The following SLC12A8 variants were observed in gnomAD, a reference collection of about 807,000 sequenced individuals.
SLC12A8 encodes the protein cation-chloride cotransporter 9.
In SLC12A8, 69 loss-of-function variants were observed where a neutral mutation model predicts 75.6. The ratio of observed to expected loss-of-function variants is 0.91; its 90% CI spans 0.75 to 1.11. The LOEUF is 1.11. Among genes scored for constraint, SLC12A8 ranks in the 50% most tolerant of loss-of-function variants. The pLI is 0.00. For missense variants in SLC12A8, 877 were observed against 896.7 expected (o/e 0.98, Z 0.28); for synonymous variants, 365 against 372.8 (o/e 0.98, Z 0.24).
At chr3:125,199,601 C>G (rs918154591) in intron 2 of SLC12A8, among the ~76,000 whole-genome samples, 2 of 145,140 alleles carry the variant, frequency 1.4e-5, no homozygotes, top group African/African-American at 2.5e-5. Flanking sequence ...AAAAAAAAGG[C>G]CAGGTGTGGT....
At position 125,204,305 on chromosome 3, in the gene SLC12A8, C is replaced by T. The variant is rs114891528; in HGVS notation, c.51+6994G>A. On this transcript the variant is annotated intron_variant, in intron 2 of 13. Coordinates refer to ENST00000469902, the MANE Select transcript of SLC12A8 (RefSeq NM_024628.6). ...CACCCATGTTTATTGCAGCCCTATTCGCAATAGCAAAAGGAGTCAACCTAA... is the reference window on the plus strand; with the variant it reads ...CACCCATGTTTATTGCAGCCCTATTTGCAATAGCAAAAGGAGTCAACCTAA... 1.1e-3 allele frequency among the ~76,000 whole-genome samples: 161 copies of T among 152,208 alleles called. 1 individual carries two copies. The highest frequency in any genetic ancestry group is 3.7e-3 in the African/African-American group (153 of 41,512).
At chr3:125,126,606 G>A (rs1221414818) in intron 6 of SLC12A8, among the ~76,000 whole-genome samples, 5 of 152,108 alleles carry the variant, frequency 3.3e-5, no homozygotes, top group Non-Finnish European at 7.3e-5. Context: ...TTCTGTTCCT[G>A]AAAATGAAGA....
intron 5 of SLC12A8, among the ~76,000 whole-genome samples, chr3:125,154,413 G>T (rs373826977): frequency 3.3e-5 from 5 of 152,164 alleles, no homozygotes; most frequent in African/African-American, 9.7e-5. Flanking sequence ...TAACTGCTGG[G>T]CAATCTAACC....
rs930845790 is a variant in SLC12A8, at chr3:125,205,293, A to G, written c.51+6006T>C. On this transcript the variant is annotated intron_variant, in intron 2 of 13. Transcript: ENST00000469902. ...TCTCTTCTCAAGCAAGGTAAGTAAC[A>G]GAAATCTTTCAGTGGCATCGACCTC... Among the ~76,000 whole-genome samples the G allele has an allele frequency of 2.6e-5, 4 of 152,338 alleles. No homozygotes were observed. In the South Asian group the frequency reaches 6.2e-4, roughly 24 times the overall value.
chr3:125,167,841 G>C (rs1934324842), intron 5 of SLC12A8, among the ~76,000 whole-genome samples: 1 of 152,234 alleles, frequency 6.6e-6, no homozygotes, highest in African/African-American at 2.4e-5. Context: ...AACACGTTTT[G>C]CGGAGAATTG....
intron 2 of SLC12A8, among the ~76,000 whole-genome samples, chr3:125,208,789 C>CAGAGAGAGAGAGAGAG (rs1272180422): frequency 1.9e-4 from 19 of 98,522 alleles, no homozygotes; most frequent in East Asian, 7.1e-4. Flanking sequence ...CACACACACA[C>CAGAGAGAGAGAGAGAG]ACAGAGAGAG....
intron 5 of SLC12A8, among the ~76,000 whole-genome samples, chr3:125,155,230 C>T (rs1234588372): frequency 2.0e-5 from 3 of 152,070 alleles, no homozygotes; most frequent in South Asian, 4.1e-4. Context: ...CCTTGCTCAC[C>T]GCACCACCTT....
intron 3 of SLC12A8, among the ~76,000 whole-genome samples, chr3:125,188,258 T>C (rs1310199177): frequency 1.3e-5 from 2 of 152,190 alleles, no homozygotes; most frequent in Non-Finnish European, 2.9e-5. Context: ...CCTCTTCACC[T>C]TCCCCCATGA....
At chr3:125,166,119 C>T (rs976444514) in intron 5 of SLC12A8, among the ~76,000 whole-genome samples, 1 of 152,152 alleles carries the variant, frequency 6.6e-6, no homozygotes, top group Non-Finnish European at 1.5e-5. Context: ...TCCCATGCTG[C>T]GGGGCGCTTT....
At chr3:125,212,479 G>C (rs529162844) in intron 1 of SLC12A8, among the ~76,000 whole-genome samples, 2 of 152,276 alleles carry the variant, frequency 1.3e-5, no homozygotes. Flanking sequence ...GCCACGCTGG[G>C]ACCCGGGCCC....
chr3:125,088,275 A>C (rs763367528), intron 13 of SLC12A8, 35 bp downstream of exon 13: 36 of 1,608,350 alleles, frequency 2.2e-5, no homozygotes, highest in Non-Finnish European at 3.1e-5. Context: ...CTGGACACTC[A>C]TCCATTCTGG....
chr3:125,167,404 C>T (rs996561334), intron 5 of SLC12A8, among the ~76,000 whole-genome samples: 1 of 152,164 alleles, frequency 6.6e-6, no homozygotes, highest in Non-Finnish European at 1.5e-5. Flanking sequence ...TTTCAGCCTC[C>T]CAAAGTGCTG....
intron 6 of SLC12A8, 89 bp from the exon 7 acceptor site, chr3:125,120,775 C>T: frequency 2.0e-6 from 2 of 977,426 alleles, no homozygotes; most frequent in Non-Finnish European, 1.6e-6. Flanking sequence ...CTGCGGGACC[C>T]TCTCCTGGAA....
chr3:125,141,091 T>A (rs925225237), intron 5 of SLC12A8, among the ~76,000 whole-genome samples: 1 of 151,256 alleles, frequency 6.6e-6, no homozygotes, highest in Non-Finnish European at 1.5e-5. Flanking sequence ...AACATCTGTT[T>A]CTCTATCCAC....
chr3:125,113,796 C>T (rs949228911), intron 8 of SLC12A8, among the ~76,000 whole-genome samples: 1 of 152,128 alleles, frequency 6.6e-6, no homozygotes, highest in Non-Finnish European at 1.5e-5. Flanking sequence ...TCTTCAGTAA[C>T]TACTGATGAA....
At chr3:125,108,525 T>C (rs955914754) in intron 9 of SLC12A8, among the ~76,000 whole-genome samples, 1 of 152,236 alleles carries the variant, frequency 6.6e-6, no homozygotes, top group South Asian at 2.1e-4. Flanking sequence ...CACACCACCA[T>C]GCATGGCTAA....
At chr3:125,150,058 C>T (rs1933882360) in intron 5 of SLC12A8, among the ~76,000 whole-genome samples, 1 of 152,190 alleles carries the variant, frequency 6.6e-6, no homozygotes, top group African/African-American at 2.4e-5. Flanking sequence ...TAGAAAAATA[C>T]ACTTATTTAC....
In SLC12A8 at chr3:125,188,802, C is replaced by T. The variant is rs535871300; in HGVS notation, c.199-1374G>A. Among the ~76,000 whole-genome samples the T allele has an allele frequency of 2.3e-4, 35 of 152,284 alleles. 1 individual carries two copies. In the South Asian group the frequency reaches 7.1e-3, roughly 31 times the overall value. On this transcript the variant is annotated intron_variant, in intron 3 of 13. Coordinates refer to ENST00000469902, the MANE Select transcript of SLC12A8 (RefSeq NM_024628.6). ...GTTCCAGTGTTTATAATATAATGCT[C>T]AAGGGCTCCACTGCTGGTCTGAGAC...
intron 5 of SLC12A8, among the ~76,000 whole-genome samples, chr3:125,177,085 A>T (rs1934548911): frequency 6.6e-6 from 1 of 152,000 alleles, no homozygotes; most frequent in African/African-American, 2.4e-5. Context: ...CAAATGTCCA[A>T]CAATGATAGA....
Sources: gnomAD v4.1 joint callset for allele counts (sites outside exome capture counted in the v4.1 genomes callset) on GRCh38, gnomAD v4.1.1 for gene constraint, MANE v1.5 for transcripts, NCBI Gene and HGNC (gene_info 2026-07-23, HGNC 2026-07-21) for gene names.